Variants in CNTN5 observed in about 807,000 individuals in gnomAD.
CNTN5 encodes the protein contactin-5.
CNTN5 carries 77 observed loss-of-function variants against 129.1 expected under a neutral mutation model. That is an observed-to-expected ratio of 0.60 (90% CI 0.50 to 0.72). The LOEUF (loss-of-function observed/expected upper bound fraction) is 0.72. Ranked by LOEUF, CNTN5 falls within the 30% of genes least tolerant of loss-of-function variation. The probability of loss-of-function intolerance (pLI) is 0.00; values close to 1 mark genes in which losing one functional copy is unlikely to be tolerated. For synonymous variants in CNTN5, 509 were observed against 465.6 expected (o/e 1.09, Z -1.20); for missense variants, 1,478 against 1,328.8 (o/e 1.11, Z -1.75).
chr11:99,876,175 C>T (rs188715258), intron 6 of CNTN5, among the ~76,000 whole-genome samples: 6 of 152,210 alleles, frequency 3.9e-5, no homozygotes, highest in Non-Finnish European at 7.4e-5. Context: ...CTATGCCATG[C>T]GACCAACATC....
chr11:100,039,832 G>A (rs897605661), intron 9 of CNTN5, among the ~76,000 whole-genome samples: 1 of 152,086 alleles, frequency 6.6e-6, no homozygotes, highest in African/African-American at 2.4e-5. Context: ...GGTCCTTTAA[G>A]GACTTCTCTG....
chr11:99,738,487 G>A (rs1943781689), intron 3 of CNTN5, among the ~76,000 whole-genome samples: 1 of 152,154 alleles, frequency 6.6e-6, no homozygotes, highest in Non-Finnish European at 1.5e-5. Context: ...TAGACAAATT[G>A]ATGTCCAGTT....
At chr11:100,115,404 C>G (rs1945811745) in intron 13 of CNTN5, among the ~76,000 whole-genome samples, 2 of 152,046 alleles carry the variant, frequency 1.3e-5, no homozygotes, top group Non-Finnish European at 2.9e-5. Flanking sequence ...TCTACAAACA[C>G]ACACACCAAA....
intron 9 of CNTN5, among the ~76,000 whole-genome samples, chr11:100,050,210 G>T (rs1363323562): frequency 6.6e-6 from 1 of 152,114 alleles, no homozygotes; most frequent in Non-Finnish European, 1.5e-5. Flanking sequence ...CAATAGCAAA[G>T]AATTGGAACC....
intron 13 of CNTN5, among the ~76,000 whole-genome samples, chr11:100,138,088 A>G (rs962098091): frequency 6.6e-6 from 1 of 152,136 alleles, no homozygotes; most frequent in Non-Finnish European, 1.5e-5. Context: ...TCTGGATTCA[A>G]CTTGGGTTAG....
chr11:100,140,934 C>T (rs918696803), intron 13 of CNTN5, among the ~76,000 whole-genome samples: 2 of 152,086 alleles, frequency 1.3e-5, no homozygotes, highest in Non-Finnish European at 2.9e-5. Context: ...GCAAGAAAGT[C>T]CCCCATCCTT....
At chr11:100,125,139 T>A (rs1946142609) in intron 13 of CNTN5, among the ~76,000 whole-genome samples, 1 of 152,066 alleles carries the variant, frequency 6.6e-6, no homozygotes, top group South Asian at 2.1e-4. Flanking sequence ...GATATTTTAC[T>A]CCATTCATCT....
intron 2 of CNTN5, among the ~76,000 whole-genome samples, chr11:99,533,848 T>G (rs1947803837): frequency 6.6e-6 from 1 of 152,176 alleles, no homozygotes; most frequent in South Asian, 2.1e-4. Flanking sequence ...GCCGGGGCTG[T>G]GGTGTAACTG....
intron 3 of CNTN5, among the ~76,000 whole-genome samples, chr11:99,615,321 T>G (rs1051793869): frequency 6.6e-6 from 1 of 152,072 alleles, no homozygotes; most frequent in Non-Finnish European, 1.5e-5. Flanking sequence ...ACCATCAAAA[T>G]TACATTGTTT....
chr11:100,289,593 G>A (rs371459613), intron 18 of CNTN5, among the ~76,000 whole-genome samples: 41 of 152,036 alleles, frequency 2.7e-4, no homozygotes, highest in East Asian at 3.9e-4. Context: ...TAAATTAGGT[G>A]TTGATGGGAC....
intron 21 of CNTN5, chr11:100,336,773 C>T (rs552613166): frequency 2.0e-4 from 63 of 307,502 alleles, no homozygotes; most frequent in Middle Eastern, 1.1e-3. Context: ...TAGAGCGGTA[C>T]GGCAGCCTCC....
intron 1 of CNTN5, among the ~76,000 whole-genome samples, chr11:99,075,896 G>A (rs1036665354): frequency 3.9e-5 from 6 of 152,204 alleles, no homozygotes; most frequent in Admixed American, 1.3e-4. Flanking sequence ...TATGACAGAC[G>A]TTTGAACTAA....
intron 13 of CNTN5, among the ~76,000 whole-genome samples, chr11:100,114,639 G>GTT (rs531697086): frequency 6.6e-6 from 1 of 151,844 alleles, no homozygotes; most frequent in Non-Finnish European, 1.5e-5. Flanking sequence ...TCTTACAGAA[G>GTT]TTTTTTTTCC....
intron 3 of CNTN5, among the ~76,000 whole-genome samples, chr11:99,561,110 G>A (rs1423584808): frequency 2.0e-5 from 3 of 152,012 alleles, no homozygotes; most frequent in African/African-American, 7.3e-5. Flanking sequence ...TCTAGGACTG[G>A]GCCAAGAAAT....
chr11:99,515,105 A>G (rs1946996702), intron 2 of CNTN5, among the ~76,000 whole-genome samples: 1 of 152,078 alleles, frequency 6.6e-6, no homozygotes, highest in Admixed American at 6.6e-5. Flanking sequence ...AGGATATTTA[A>G]AAAGCTCTAC....
At chr11:99,224,227 G>T (rs557100866) in intron 1 of CNTN5, among the ~76,000 whole-genome samples, 1 of 152,194 alleles carries the variant, frequency 6.6e-6, no homozygotes, top group South Asian at 2.1e-4. Flanking sequence ...TCAAAAAACA[G>T]AACTATATTT....
chr11:100,213,173 C>CA (rs1263406984), intron 15 of CNTN5, among the ~76,000 whole-genome samples: 1 of 152,060 alleles, frequency 6.6e-6, no homozygotes, highest in Non-Finnish European at 1.5e-5. Context: ...TAGTTCCCTC[C>CA]AAATTTCACA....
chr11:99,330,646 G>A (rs1374659176), intron 2 of CNTN5, among the ~76,000 whole-genome samples: 1 of 152,096 alleles, frequency 6.6e-6, no homozygotes, highest in Non-Finnish European at 1.5e-5. Flanking sequence ...GAAAATGTAA[G>A]AGAAGCAGCC....
intron 9 of CNTN5, among the ~76,000 whole-genome samples, chr11:100,012,949 G>T (rs949961035): frequency 3.3e-5 from 5 of 152,190 alleles, no homozygotes; most frequent in Non-Finnish European, 7.4e-5. Context: ...TGGGATGATC[G>T]TAAGATCAGC....
Sources: allele counts gnomAD v4.1 joint callset (sites outside exome capture counted in the v4.1 genomes callset), GRCh38; gene constraint gnomAD v4.1.1; transcripts MANE v1.5; gene names NCBI Gene and HGNC (gene_info 2026-07-23, HGNC 2026-07-21).